Variants in TMF1 observed in about 807,000 individuals in gnomAD.
TMF1 encodes TATA element modulatory factor 1.
A neutral mutation model predicts 126.5 loss-of-function variants in TMF1; 71 were observed. The ratio of observed to expected loss-of-function variants is 0.56; its 90% CI spans 0.46 to 0.68. The LOEUF (loss-of-function observed/expected upper bound fraction) is 0.68, where lower values mean the gene tolerates loss of function less well. Ranked by LOEUF, TMF1 falls within the 30% of genes least tolerant of loss-of-function variation. The pLI, the probability that TMF1 is intolerant of heterozygous loss-of-function variation, is 0.00. For synonymous variants in TMF1, 461 were observed against 430.5 expected (o/e 1.07, Z -0.88); for missense variants, 1,259 against 1,253.2 (o/e 1.00, Z -0.07).
chr3:69,047,614 G>A lies in TMF1; in HGVS notation c.1091C>T (p.Thr364Ile), dbSNP rs576829246. 18 of 1,614,070 alleles carry A rather than the reference G, an allele frequency of 1.1e-5. No homozygotes were observed. Among genetic ancestry groups the A allele is most frequent in the African/African-American group, 6.7e-5 (5 of 75,048 alleles). ...AGATTCAACTGTTTTAGACTTTGGAGTTGAAGAATTAACTATAATAGGCAC... is the reference window on the plus strand; with the variant it reads ...AGATTCAACTGTTTTAGACTTTGGAATTGAAGAATTAACTATAATAGGCAC... ...ALVPIIVNSS[T>I]PKSKTVESAE... The change falls in exon 2 of 17, where the codon ACT (threonine) becomes ATT (isoleucine). Residue 364 changes from threonine to isoleucine, a missense_variant. Transcript: ENST00000398559.
chr3:69,039,643 A>C lies in TMF1; in HGVS notation c.1735T>G (p.Leu579Val). The C allele has an allele frequency of 1.2e-6, 2 of 1,613,568 alleles. No homozygotes were observed. The highest frequency in any genetic ancestry group is 1.7e-6 in the Non-Finnish European group (2 of 1,179,864). ...QLHNSNIIKK[L>V]RAKDKENENM... ...TCATTCTCCTTGTCTTTAGCTCTTAATTTCTTGATGATGTTAGAATTGTGC... is the reference window on the plus strand; with the variant it reads ...TCATTCTCCTTGTCTTTAGCTCTTACTTTCTTGATGATGTTAGAATTGTGC... The change falls in exon 6 of 17, where the codon TTA becomes GTA. Residue 579 changes from leucine to valine, a missense_variant. Physicochemically the swap from Leu to Val is conservative, Grantham distance 32 (BLOSUM62 1). Coordinates refer to ENST00000398559, the MANE Select transcript of TMF1 (RefSeq NM_007114.3).
chr3:69,027,255 C>G (rs531627792), intron 13 of TMF1, among the ~76,000 whole-genome samples: 1 of 152,200 alleles, frequency 6.6e-6, no homozygotes, highest in Non-Finnish European at 1.5e-5. Flanking sequence ...CTCAGCCTCT[C>G]AAAGTGCTGG....
intron 5 of TMF1, chr3:69,040,534 G>A (rs1236191651): frequency 2.6e-5 from 4 of 152,214 alleles, no homozygotes; most frequent in Non-Finnish European, 5.9e-5. Context: ...AAGAGTTGTG[G>A]CAAGATGTTA....
rs755377129 is a variant in TMF1, at chr3:69,029,897, A to G, written c.2512T>C (p.Leu838=). 2 of 1,614,040 alleles carry G rather than the reference A, an allele frequency of 1.2e-6. No individual in the cohort carries two copies. Among genetic ancestry groups the G allele is most frequent in the East Asian group, 4.5e-5 (2 of 44,888 alleles). The stretch of plus-strand genomic sequence containing the variant: ...TGAAATCTACTGTTTTCCTGTCTTA[A>G]AAGAGAATTCTGTGACTCCATGGAA... ...MSSMESQNSL[L]RQENSRFQAQ... The change falls in exon 11 of 17, where the codon TTA becomes CTA. Residue 838 remains leucine (L), a synonymous_variant. Coordinates refer to ENST00000398559, the MANE Select transcript of TMF1 (RefSeq NM_007114.3).
At chr3:69,026,997 TTTA>T (rs2091771484) in intron 13 of TMF1, among the ~76,000 whole-genome samples, 1 of 151,976 alleles carries the variant, frequency 6.6e-6, no homozygotes, top group Admixed American at 6.6e-5. Flanking sequence ...TATTTATTTA[TTTA>T]TTTTTATTTT....
Position 69,023,217 on chromosome 3 carries a change from T to A in TMF1, c.3242A>T (p.Lys1081Ile). Residue 1081 changes from lysine to isoleucine, a missense_variant, in exon 17 of 17, where the codon AAA (lysine) becomes ATA (isoleucine). Coordinates refer to ENST00000398559, the MANE Select transcript of TMF1 (RefSeq NM_007114.3). ...LDLEDVKNMY[K>I]TQIDELLRQS... ...TCTTAAAAGTTCATCTATTTGAGTT[T>A]TGTACATATTTTTTACATCTTCGAG... The A allele has an allele frequency of 6.2e-7, 1 of 1,611,440 alleles. No individual in the cohort carries two copies.
At chr3:69,040,854 G>A (rs997565788) in intron 5 of TMF1, among the ~76,000 whole-genome samples, 4 of 151,838 alleles carry the variant, frequency 2.6e-5, no homozygotes, top group East Asian at 1.9e-4. Context: ...CCTGGGAGGC[G>A]GAGGTTGCAG....
rs1271567480 is a variant in TMF1, at chr3:69,042,889, T to C, written c.1602A>G (p.Glu534=). Residue 534 remains glutamate, a synonymous_variant, in exon 5 of 17, where the codon GAA becomes GAG. Transcript: ENST00000398559. ...AKKEIKNIKE[E]LATRLNSSET... Reference sequence around the variant, plus strand: ...CACTACTATTTAATCTAGTGGCAAGTTCTTCTTTTATGTTTTTGATTTCCT... The same window carrying C: ...CACTACTATTTAATCTAGTGGCAAGCTCTTCTTTTATGTTTTTGATTTCCT... The C allele has an allele frequency of 9.9e-6, 16 of 1,612,676 alleles. No individual in the cohort carries two copies. The highest frequency in any genetic ancestry group is 1.4e-5 in the Non-Finnish European group (16 of 1,179,232).
intron 2 of TMF1, among the ~76,000 whole-genome samples, chr3:69,047,040 T>A (rs1207031311): frequency 6.6e-6 from 1 of 152,160 alleles, no homozygotes; most frequent in Non-Finnish European, 1.5e-5. Context: ...AAGAAAATAT[T>A]CCTTTCAAAT....
chr3:69,048,807 G>A, intron 1 of TMF1: 1 of 370,402 alleles, frequency 2.7e-6, no homozygotes. Context: ...AAAAGACTGG[G>A]CCTGGCCTGG....
intron 2 of TMF1, among the ~76,000 whole-genome samples, chr3:69,045,077 AGGT>A (rs1390513353): frequency 6.6e-6 from 1 of 152,232 alleles, no homozygotes; most frequent in African/African-American, 2.4e-5. Context: ...TATTTTAGCT[AGGT>A]GGTGGATACA....
intron 2 of TMF1, among the ~76,000 whole-genome samples, chr3:69,044,800 T>C (rs1236898145): frequency 6.6e-6 from 1 of 152,190 alleles, no homozygotes; most frequent in African/African-American, 2.4e-5. Flanking sequence ...AAATAGCTAG[T>C]GGGAGTGTAA....
chr3:69,035,137 A>C (rs1350014582), intron 8 of TMF1, 22 bp from the exon 9 acceptor site: 2 of 1,583,784 alleles, frequency 1.3e-6, no homozygotes, highest in Non-Finnish European at 1.7e-6. Context: ...GAAACAATAC[A>C]TTCACAAACA....
In TMF1 at chr3:69,033,585, C is replaced by T. The variant is rs192950746; in HGVS notation, c.2364G>A (p.Ser788=). Residue 788 remains serine, a synonymous_variant, in exon 10 of 17, where the codon TCG becomes TCA. Coordinates refer to ENST00000398559, the MANE Select transcript of TMF1 (RefSeq NM_007114.3). ...AAAGATTCTTCTCTAATTTCTCCCA[C>T]GACGATGTCTGGGATCCCAGGGTTG... ...LQATLGSQTS[S]WEKLEKNLSD... 1,094 of 1,613,804 alleles carry T rather than the reference C, an allele frequency of 6.8e-4. 4 individuals carry two copies. The highest frequency in any genetic ancestry group is 5.4e-5 in the Non-Finnish European group (64 of 1,179,942).
At chr3:69,040,900 C>T (rs1176851976) in intron 5 of TMF1, among the ~76,000 whole-genome samples, 1 of 147,300 alleles carries the variant, frequency 6.8e-6, no homozygotes, top group African/African-American at 2.5e-5. Flanking sequence ...CCAGCCTGGA[C>T]AACACAGTGA....
rs991593779 is a variant in TMF1 at position 69,033,400 on chromosome 3, T to C, written c.2401+148A>G. 4.4e-6 allele frequency: 4 copies of C among 919,498 alleles called. No individual in the cohort carries two copies. In the East Asian group the frequency reaches 8.5e-5, roughly 20 times the overall value. 57.0% of individuals were successfully genotyped at this position (919,498 alleles called of 1,614,324 possible). ...ACATAATAAAGGTATTAAAAATACA[T>C]GTAGAAAAAGAGAAAATGTAAAAAT... On this transcript the variant is annotated intron_variant, in intron 10 of 16. Coordinates refer to ENST00000398559, the MANE Select transcript of TMF1 (RefSeq NM_007114.3).
rs1488598022 is a variant in TMF1, at chr3:69,052,046, T to C, written c.41A>G (p.Lys14Arg). ...CTTCTGGGCCTGGGACAGGGCCTGC[T>C]TAGCGAAGCTGGAGAGCTGGGAGGC... ...FNASQLSSFA[K>R]QALSQAQKSI... Residue 14 changes from lysine to arginine, a missense_variant, in exon 1 of 17, where the codon AAG (lysine) becomes AGG (arginine). Lys to Arg is a conservative substitution (Grantham distance 26). Coordinates refer to ENST00000398559, the MANE Select transcript of TMF1 (RefSeq NM_007114.3). The C allele has an allele frequency of 2.5e-6, 4 of 1,613,436 alleles. No homozygotes were observed. The highest frequency in any genetic ancestry group is 1.7e-5 in the Admixed American group (1 of 59,906).
chr3:69,028,316 T>TA (rs748582331), intron 11 of TMF1, 21 bp from the exon 12 acceptor site: 21 of 1,560,824 alleles, frequency 1.3e-5, no homozygotes, highest in South Asian at 1.1e-4. Context: ...AGGCAGAATT[T>TA]AAAAAAACAG....
rs374864262 is a variant in TMF1 at position 69,048,125 on chromosome 3, A to G, written c.580T>C (p.Leu194=). The change falls in exon 2 of 17, where the codon TTG becomes CTG. Residue 194 remains leucine, a synonymous_variant. Transcript: ENST00000398559. The part of the protein sequence containing the change: ...ESDMKVPTVS[L]KVSESVIDVK... ...TCAATTACACTTTCAGATACTTTCA[A>G]ACTTACAGTTGGCACCTTCATATCC... The G allele has an allele frequency of 9.3e-6, 15 of 1,614,062 alleles. No individual in the cohort carries two copies. Among genetic ancestry groups the G allele is most frequent in the African/African-American group, 5.3e-5 (4 of 74,918 alleles).
Sources: allele counts gnomAD v4.1 joint callset (sites outside exome capture counted in the v4.1 genomes callset), GRCh38; gene constraint gnomAD v4.1.1; transcripts MANE v1.5; gene names NCBI Gene and HGNC (gene_info 2026-07-23, HGNC 2026-07-21).